Variants in PPIP5K2 observed in about 807,000 individuals in gnomAD.
PPIP5K2 encodes diphosphoinositol pentakisphosphate kinase 2.
In PPIP5K2, 105 loss-of-function variants were observed where a neutral mutation model predicts 154.6. That is an observed-to-expected ratio of 0.68 (90% CI 0.58 to 0.80). The LOEUF is 0.80. Ranked by LOEUF, PPIP5K2 falls within the 30% of genes least tolerant of loss-of-function variation. The pLI is 0.00. For missense variants in PPIP5K2, 992 were observed against 1,504.6 expected (o/e 0.66, Z 5.64); for synonymous variants, 480 against 490.3 (o/e 0.98, Z 0.28).
intron 21 of PPIP5K2, chr5:103,176,782 T>C: frequency 1.3e-6 from 1 of 772,346 alleles, no homozygotes; most frequent in Non-Finnish European, 2.0e-6. Flanking sequence ...CCTTTTCAGA[T>C]AGAATTTTCT....
chr5:103,149,085 CTGT>C, intron 7 of PPIP5K2, 64 bp from the exon 8 acceptor site: 1 of 1,158,548 alleles, frequency 8.6e-7, no homozygotes. Context: ...TATTTGTTGT[CTGT>C]TGGTTACACA....
At position 103,138,409 on chromosome 5, in the gene PPIP5K2, G is replaced by T. The variant is rs1554205198; in HGVS notation, c.427G>T (p.Ala143Ser). ...GAGAGAAGTATATAGTATTCTTCAA[G>T]CTGAAGGTATTTTACTTCCTCGTTA... ...DRREVYSILQAEGILLPRYAI... is the reference protein window; with the variant it reads ...DRREVYSILQSEGILLPRYAI... The change falls in exon 5 of 31, where the codon GCT becomes TCT. Residue 143 changes from alanine (A) to serine (S), a missense_variant. By Grantham distance (99) the Ala-to-Ser change is moderately conservative (BLOSUM62 1). This residue lies in a region of PPIP5K2 where 153 missense variants were observed against 200.4 expected (regional missense o/e 0.76). Transcript: ENST00000358359. The T allele has an allele frequency of 2.5e-6, 4 of 1,601,406 alleles. No homozygotes were observed. Among genetic ancestry groups the T allele is most frequent in the Non-Finnish European group, 3.4e-6 (4 of 1,169,994 alleles).
chr5:103,138,435 T>C lies in PPIP5K2; in HGVS notation c.453T>C (p.Tyr151=). ...CTGAAGGTATTTTACTTCCTCGTTA[T>C]GCTATTTTGAACCGTGACCCAAATA... ...LQAEGILLPR[Y]AILNRDPNNP... The change falls in exon 5 of 31, where the codon TAT becomes TAC. Residue 151 remains tyrosine (Y), a synonymous_variant. Coordinates refer to ENST00000358359, the MANE Select transcript of PPIP5K2 (RefSeq NM_001276277.3). The C allele has an allele frequency of 1.2e-6, 2 of 1,607,890 alleles. No homozygotes were observed. The highest frequency in any genetic ancestry group is 1.1e-5 in the South Asian group (1 of 90,770).
intron 21 of PPIP5K2, among the ~76,000 whole-genome samples, chr5:103,175,200 G>T (rs1406417548): frequency 6.6e-6 from 1 of 152,112 alleles, no homozygotes; most frequent in Non-Finnish European, 1.5e-5. Context: ...GTATAGGTCT[G>T]TTTCCTAATC....
chr5:103,123,882 T>C (rs1365285908), intron 1 of PPIP5K2, among the ~76,000 whole-genome samples: 1 of 152,220 alleles, frequency 6.6e-6, no homozygotes, highest in Non-Finnish European at 1.5e-5. Flanking sequence ...TGCTAAATAA[T>C]ATGGAAGTGC....
At chr5:103,140,590 C>T (rs1174905129) in intron 5 of PPIP5K2, among the ~76,000 whole-genome samples, 3 of 152,164 alleles carry the variant, frequency 2.0e-5, no homozygotes, top group South Asian at 4.1e-4. Context: ...TGGCTCACGC[C>T]TGTAATCCCA....
chr5:103,170,232 A>T (rs1353694457), intron 19 of PPIP5K2, among the ~76,000 whole-genome samples: 12 of 151,588 alleles, frequency 7.9e-5, no homozygotes, highest in African/African-American at 2.4e-4. Context: ...AAATAAATTC[A>T]TAATAAATTT....
intron 7 of PPIP5K2, 75 bp from the exon 8 acceptor site, chr5:103,149,071 ATTGTAT>A (rs1794189291): frequency 5.5e-6 from 6 of 1,090,462 alleles, no homozygotes; most frequent in Non-Finnish European, 7.3e-6. Flanking sequence ...TAATTTTTTC[ATTGTAT>A]TTGTTGTCTG....
At chr5:103,120,838 T>G (rs951670372) in intron 1 of PPIP5K2, 8 of 214,608 alleles carry the variant, frequency 3.7e-5, no homozygotes, top group Middle Eastern at 2.0e-3. Context: ...ATGGGACTGC[T>G]GTGGGTAGAG....
At chr5:103,135,047 C>T (rs1344405697) in intron 3 of PPIP5K2, among the ~76,000 whole-genome samples, 1 of 152,138 alleles carries the variant, frequency 6.6e-6, no homozygotes, top group African/African-American at 2.4e-5. Flanking sequence ...ATAGTCTCTT[C>T]ACAGGTATAC....
chr5:103,201,769 T>A lies in PPIP5K2; in HGVS notation c.*135T>A, dbSNP rs1489904769. The A allele has an allele frequency of 1.5e-6, 1 of 653,570 alleles. No individual in the cohort carries two copies. The allele number at this position is 653,570 out of a possible 1,614,324, so 40.5% of individuals were successfully genotyped here. A position where few individuals can be genotyped will look rare whatever the true frequency, so the allele number is the denominator to read the frequency against. On this transcript the variant is annotated 3_prime_UTR_variant, in exon 31 of 31. Coordinates refer to ENST00000358359, the MANE Select transcript of PPIP5K2 (RefSeq NM_001276277.3). ...CTTTGTTTATGTTCAGGTAAGGAAC[T>A]GTTGTCATGATCTGGAAATGTTTAA...
intron 30 of PPIP5K2, among the ~76,000 whole-genome samples, chr5:103,197,569 ATT>A (rs782156090): frequency 2.3e-3 from 202 of 86,952 alleles, no homozygotes; most frequent in African/African-American, 8.8e-3. Flanking sequence ...TAAAACACAA[ATT>A]TTTTTTTTTT....
intron 30 of PPIP5K2, among the ~76,000 whole-genome samples, chr5:103,196,610 T>C (rs530404986): frequency 2.2e-4 from 34 of 152,282 alleles, no homozygotes; most frequent in Non-Finnish European, 4.0e-4. Flanking sequence ...AATCCCAGCT[T>C]ACATAGCTAG....
chr5:103,158,576 A>C lies in PPIP5K2; in HGVS notation c.1737+3A>C, dbSNP rs782268770. 3 of 1,567,020 alleles carry C rather than the reference A, an allele frequency of 1.9e-6. No individual in the cohort carries two copies. In the South Asian group the frequency reaches 3.6e-5, roughly 19 times the overall value. On this transcript the variant is annotated splice_donor_region_variant and intron_variant, in intron 16 of 30. Transcript: ENST00000358359. Reference sequence around the variant, plus strand: ...TGACTGCAGCTGCTTTTGCAAAGGTATAAATAATTTTTTTTTAGAATTATT... The same window carrying C: ...TGACTGCAGCTGCTTTTGCAAAGGTCTAAATAATTTTTTTTTAGAATTATT...
chr5:103,158,367 A>G, intron 15 of PPIP5K2, 54 bp downstream of exon 15: 1 of 1,596,638 alleles, frequency 6.3e-7, no homozygotes, highest in Non-Finnish European at 8.5e-7. Flanking sequence ...GTATTTTGAA[A>G]TCCTCATTTG....
intron 30 of PPIP5K2, 130 bp downstream of exon 30, chr5:103,195,155 T>C: frequency 8.7e-7 from 1 of 1,154,618 alleles, no homozygotes; most frequent in Non-Finnish European, 1.2e-6. Flanking sequence ...ATCCTAAGGG[T>C]TAAAAATCGA....
At chr5:103,123,582 C>T (rs535439339) in intron 1 of PPIP5K2, among the ~76,000 whole-genome samples, 2 of 152,290 alleles carry the variant, frequency 1.3e-5, no homozygotes, top group East Asian at 3.9e-4. Flanking sequence ...GGATATTTGT[C>T]TTTTGTACAG....
At chr5:103,167,115 T>TA in intron 17 of PPIP5K2, 64 bp from the exon 18 acceptor site, 1 of 1,252,032 alleles carries the variant, frequency 8.0e-7, no homozygotes, top group East Asian at 2.6e-5. Context: ...TTTGTATATA[T>TA]ATATTGTTCT....
At chr5:103,160,957 CTT>C (rs1204880603) in intron 17 of PPIP5K2, among the ~76,000 whole-genome samples, 1 of 138,934 alleles carries the variant, frequency 7.2e-6, no homozygotes, top group Non-Finnish European at 1.6e-5. Flanking sequence ...TCTTTTCATT[CTT>C]TTTTTTTTTT....
Sources: gnomAD v4.1 joint callset for allele counts (sites outside exome capture counted in the v4.1 genomes callset) on GRCh38, gnomAD v4.1.1 for gene constraint, gnomAD v4.1.1 regional missense constraint, MANE v1.5 for transcripts, NCBI Gene and HGNC (gene_info 2026-07-23, HGNC 2026-07-21) for gene names.